RTL4: variants seen among roughly 807,000 people sequenced by gnomAD.
The protein encoded by RTL4 is retrotransposon Gag-like protein 4.
In RTL4, 4 loss-of-function variants were observed where a neutral mutation model predicts 5.3. The ratio of observed to expected loss-of-function variants is 0.75; its 90% CI spans 0.37 to 1.72. The LOEUF is 1.72. Among genes scored for constraint, RTL4 ranks in the 40% most tolerant of loss-of-function variants. The pLI, the probability that RTL4 is intolerant of heterozygous loss-of-function variation, is 0.04. For missense variants in RTL4, 260 were observed against 227.1 expected (o/e 1.14, Z -0.93); for synonymous variants, 98 against 87.3 (o/e 1.12, Z -0.68).
the RTL4 span, among the ~76,000 whole-genome samples, chrX:112,170,132 A>G: frequency 3.6e-5 from 4 of 111,836 alleles, no homozygotes; most frequent in African/African-American, 1.3e-4. Flanking sequence ...CTGTTTTTGT[A>G]CCAGTACCAT....
At chrX:112,345,383 G>C in the RTL4 span, among the ~76,000 whole-genome samples, 6 of 111,487 alleles carry the variant, frequency 5.4e-5, no homozygotes, top group South Asian at 1.9e-3. Flanking sequence ...TATCCAAACA[G>C]CTCCTTTCCT....
the RTL4 span, among the ~76,000 whole-genome samples, chrX:112,257,831 T>C: frequency 9.5e-5 from 10 of 104,961 alleles, no homozygotes; most frequent in Non-Finnish European, 1.7e-4. Context: ...ATATTTGGGG[T>C]GTACAATGTA....
the RTL4 span, among the ~76,000 whole-genome samples, chrX:112,345,571 G>T: frequency 9.0e-6 from 1 of 110,945 alleles, no homozygotes; most frequent in Non-Finnish European, 1.9e-5. Flanking sequence ...TAGCCTTCTG[G>T]GCCTTGATCC....
At chrX:112,157,226 T>C in the RTL4 span, among the ~76,000 whole-genome samples, 1 of 111,186 alleles carries the variant, frequency 9.0e-6, no homozygotes, top group Non-Finnish European at 1.9e-5. Flanking sequence ...CATGGGGCTG[T>C]TGAGCAAACT....
At chrX:112,289,634 G>A in the RTL4 span, among the ~76,000 whole-genome samples, 1 of 111,514 alleles carries the variant, frequency 9.0e-6, no homozygotes, top group Non-Finnish European at 1.9e-5. Flanking sequence ...TGGTTGTTGT[G>A]TATATTAAAT....
At chrX:112,195,351 T>C in the RTL4 span, among the ~76,000 whole-genome samples, 9 of 112,294 alleles carry the variant, frequency 8.0e-5, no homozygotes, top group African/African-American at 2.9e-4. Context: ...CATATTATTA[T>C]AGAAGACATT....
chrX:112,186,504 G>A, the RTL4 span, among the ~76,000 whole-genome samples: 93 of 112,191 alleles, frequency 8.3e-4, 1 homozygote, highest in African/African-American at 3.0e-3. Flanking sequence ...CTGATGTATG[G>A]TGGAGCTTAT....
the RTL4 span, among the ~76,000 whole-genome samples, chrX:112,161,881 C>CTTTCTTTCT: frequency 2.8e-4 from 6 of 21,162 alleles, no homozygotes; most frequent in African/African-American, 5.7e-4. Flanking sequence ...TTCCTTCTTT[C>CTTTCTTTCT]TTCTTTCTTT....
chrX:112,343,452 A>G, the RTL4 span, among the ~76,000 whole-genome samples: 3 of 111,990 alleles, frequency 2.7e-5, no homozygotes, highest in Non-Finnish European at 5.6e-5. Context: ...CTTCTATAGT[A>G]TGTTCTGTAG....
the RTL4 span, among the ~76,000 whole-genome samples, chrX:112,355,676 C>G: frequency 9.0e-6 from 1 of 110,885 alleles, no homozygotes; most frequent in Admixed American, 9.6e-5. Flanking sequence ...TTAGTTTTGT[C>G]TGCGCTGGGG....
chrX:112,249,816 A>G, the RTL4 span, among the ~76,000 whole-genome samples: 1 of 108,100 alleles, frequency 9.3e-6, no homozygotes, highest in Non-Finnish European at 1.9e-5. Context: ...GAGATAACAC[A>G]TATATAGATA....
chrX:112,128,465 C>A, the RTL4 span, among the ~76,000 whole-genome samples: 1 of 110,352 alleles, frequency 9.1e-6, no homozygotes, highest in East Asian at 2.8e-4. Context: ...TCGAGACCAG[C>A]CTGGCCAACA....
chrX:112,181,404 G>A, the RTL4 span, among the ~76,000 whole-genome samples: 12 of 111,936 alleles, frequency 1.1e-4, no homozygotes, highest in East Asian at 8.4e-4. Flanking sequence ...CCACCATCAC[G>A]GAGCCCAGCA....
the RTL4 span, among the ~76,000 whole-genome samples, chrX:112,236,033 G>A: frequency 9.0e-6 from 1 of 111,078 alleles, no homozygotes; most frequent in Non-Finnish European, 1.9e-5. Context: ...TGGAGGCGGA[G>A]TAGGAAAAAG....
At chrX:112,328,654 G>A in the RTL4 span, among the ~76,000 whole-genome samples, 2 of 111,478 alleles carry the variant, frequency 1.8e-5, no homozygotes, top group African/African-American at 6.5e-5. Flanking sequence ...TGCACCAAGA[G>A]GACCTAATAG....
the RTL4 span, among the ~76,000 whole-genome samples, chrX:112,187,203 C>A: frequency 4.5e-5 from 5 of 111,986 alleles, no homozygotes; most frequent in African/African-American, 6.5e-5. Context: ...TTCTTTTAAC[C>A]CTTCTCAAAT....
chrX:112,205,158 G>T, the RTL4 span, among the ~76,000 whole-genome samples: 1 of 111,312 alleles, frequency 9.0e-6, no homozygotes, highest in South Asian at 3.8e-4. Flanking sequence ...TTACAGCAGT[G>T]CAATACTGAC....
At chrX:112,242,606 T>C in the RTL4 span, among the ~76,000 whole-genome samples, 1 of 111,923 alleles carries the variant, frequency 8.9e-6, no homozygotes, top group South Asian at 3.7e-4. Context: ...GCTGAGATCA[T>C]GGAGTTTTCT....
At chrX:112,311,303 A>G in the RTL4 span, among the ~76,000 whole-genome samples, 1 of 110,590 alleles carries the variant, frequency 9.0e-6, no homozygotes, top group Non-Finnish European at 1.9e-5. Context: ...GTTGGGGAAA[A>G]GATTGCCCTT....
Sources: gnomAD v4.1 joint callset for allele counts (sites outside exome capture counted in the v4.1 genomes callset) on GRCh38, gnomAD v4.1.1 for gene constraint, MANE v1.5 for transcripts, NCBI Gene and HGNC (gene_info 2026-07-23, HGNC 2026-07-21) for gene names.